BFSP2: variants seen among roughly 807,000 people sequenced by gnomAD.
The protein encoded by BFSP2 is beaded filament structural protein 2, also known as phakinin.
In BFSP2, 38 loss-of-function variants were observed where a neutral mutation model predicts 44.9. The ratio of observed to expected loss-of-function variants is 0.85; its 90% CI spans 0.65 to 1.11. The LOEUF is 1.11. BFSP2 is among the 50% of genes least tolerant of loss of function. The pLI, the probability that BFSP2 is intolerant of heterozygous loss-of-function variation, is 0.00. For synonymous variants in BFSP2, 197 were observed against 209.9 expected, an observed-to-expected ratio of 0.94 and a Z score of 0.53; for missense variants, 525 against 533.0, an observed-to-expected ratio of 0.99 and a Z score of 0.15.
At chr3:133,438,302 G>A (rs962688692) in intron 1 of BFSP2, among the ~76,000 whole-genome samples, 5 of 152,198 alleles carry the variant, frequency 3.3e-5, no homozygotes, top group Admixed American at 1.3e-4. Context: ...CAAGGCAGGC[G>A]GATCACCTGA....
chr3:133,468,288 G>T (rs1180058901), intron 5 of BFSP2, among the ~76,000 whole-genome samples: 1 of 152,108 alleles, frequency 6.6e-6, no homozygotes, highest in Non-Finnish European at 1.5e-5. Flanking sequence ...CGTGGTGGGT[G>T]CTCTCCTCAC....
At chr3:133,421,412 G>A (rs1384908367) in intron 1 of BFSP2, among the ~76,000 whole-genome samples, 1 of 152,238 alleles carries the variant, frequency 6.6e-6, no homozygotes, top group Non-Finnish European at 1.5e-5. Flanking sequence ...CAGCTCTGGT[G>A]ATGGCGGGCA....
At chr3:133,426,597 G>T (rs1179428583) in intron 1 of BFSP2, among the ~76,000 whole-genome samples, 1 of 152,224 alleles carries the variant, frequency 6.6e-6, no homozygotes, top group Non-Finnish European at 1.5e-5. Context: ...AAAGCAAAGG[G>T]TCCACTCTGG....
intron 1 of BFSP2, among the ~76,000 whole-genome samples, chr3:133,406,964 A>G (rs534229140): frequency 2.0e-5 from 3 of 152,214 alleles, no homozygotes; most frequent in Non-Finnish European, 4.4e-5. Flanking sequence ...ATCCAAGTAC[A>G]TTGTGAGGCC....
intron 1 of BFSP2, among the ~76,000 whole-genome samples, chr3:133,430,772 A>C (rs1224064893): frequency 1.3e-5 from 2 of 151,618 alleles, no homozygotes; most frequent in Admixed American, 6.6e-5. Flanking sequence ...AGTCTTTCTA[A>C]TCTTCCTTTT....
intron 1 of BFSP2, among the ~76,000 whole-genome samples, chr3:133,445,765 T>C (rs1185964652): frequency 1.3e-5 from 2 of 152,174 alleles, no homozygotes; most frequent in Non-Finnish European, 2.9e-5. Flanking sequence ...GTGTAGGTTA[T>C]ATGCAAATAC....
chr3:133,458,914 A>G (rs544467600), intron 4 of BFSP2, among the ~76,000 whole-genome samples: 4 of 152,222 alleles, frequency 2.6e-5, no homozygotes, highest in Non-Finnish European at 5.9e-5. Context: ...AGGACAAACC[A>G]GGTGCAAGGC....
rs751496741 is a variant in BFSP2, at chr3:133,466,910, C to T, written c.974C>T (p.Ser325Leu). The T allele has an allele frequency of 1.7e-5, 28 of 1,613,948 alleles. No individual in the cohort carries two copies. The highest frequency in any genetic ancestry group is 1.6e-4 in the South Asian group (15 of 91,082). ...AALRVELHNT[S>L]CQVQSLQAET... is the part of the protein sequence containing the mutation. ...CTCAGGGTGGAGTTACACAACACTT[C>T]GTGCCAAGTCCAGAGCCTCCAGGCT... The change falls in exon 5 of 7, where the codon TCG becomes TTG. Residue 325 changes from serine to leucine, a missense_variant. Transcript: ENST00000302334.
At chr3:133,424,212 A>ATTTTTTTTTTT (rs112772093) in intron 1 of BFSP2, among the ~76,000 whole-genome samples, 1 of 64,778 alleles carries the variant, frequency 1.5e-5, no homozygotes, top group African/African-American at 3.6e-5. Flanking sequence ...CGTCCAGCTA[A>ATTTTTTTTTTT]TTTTTTTTTT....
chr3:133,409,652 A>C (rs561542917), intron 1 of BFSP2, among the ~76,000 whole-genome samples: 1 of 152,344 alleles, frequency 6.6e-6, no homozygotes, highest in South Asian at 2.1e-4. Context: ...CAAGGACGCT[A>C]TGAAAAACTA....
At chr3:133,407,392 G>C (rs2073413618) in intron 1 of BFSP2, among the ~76,000 whole-genome samples, 1 of 152,108 alleles carries the variant, frequency 6.6e-6, no homozygotes, top group Admixed American at 6.5e-5. Context: ...CAAATGGAAA[G>C]AAACACCATG....
Position 133,475,051 on chromosome 3 carries a change from C to T in BFSP2, c.*79C>T, listed in dbSNP as rs911176488. 1 of 1,566,066 alleles carries T rather than the reference C, an allele frequency of 6.4e-7. No individual in the cohort carries two copies. The highest frequency in any genetic ancestry group is 8.8e-7 in the Non-Finnish European group (1 of 1,136,346). ...CAAGAAGTTGCTTGAGGAGCTTTCT[C>T]CTGAGCTCCAGTCCCTGCTGGATTC... is the stretch of plus-strand genomic sequence containing the variant. On this transcript the variant is annotated 3_prime_UTR_variant, in exon 7 of 7. Transcript: ENST00000302334.
At chr3:133,408,716 A>G (rs1277197851) in intron 1 of BFSP2, among the ~76,000 whole-genome samples, 2 of 152,250 alleles carry the variant, frequency 1.3e-5, no homozygotes, top group African/African-American at 4.8e-5. Context: ...TCTCCAGGAT[A>G]TGTTATTGAG....
rs1219245731 is a variant in BFSP2, at chr3:133,411,200, CTAAT to C, written c.489+10633_489+10636del. On this transcript the variant is annotated intron_variant, in intron 1 of 6. Coordinates refer to ENST00000302334, the MANE Select transcript of BFSP2 (RefSeq NM_003571.4). ...ACACCGAAAAAAAAAAAAAAAAAAA[CTAAT>C]TAATCACCTTTGGAGCCCACTGAGG... Among the ~76,000 whole-genome samples, 11 of 101,464 alleles carry C rather than the reference CTAAT, an allele frequency of 1.1e-4. 1 individual carries two copies. Among genetic ancestry groups the C allele is most frequent in the Admixed American group, 9.6e-4 (10 of 10,386 alleles). 66.6% of individuals were successfully genotyped at this position (101,464 alleles called of 152,430 possible).
intron 3 of BFSP2, 136 bp downstream of exon 3, chr3:133,448,781 C>T (rs1040451853): frequency 2.5e-5 from 29 of 1,152,800 alleles, no homozygotes; most frequent in Non-Finnish European, 3.4e-5. Flanking sequence ...GGGAACATAC[C>T]TGTAAAATAC....
intron 1 of BFSP2, among the ~76,000 whole-genome samples, chr3:133,443,540 C>G (rs973444277): frequency 4.6e-5 from 7 of 152,184 alleles, no homozygotes; most frequent in African/African-American, 1.7e-4. Context: ...ACAAATGCAA[C>G]CAGCAGGTCA....
At chr3:133,432,675 C>G (rs1251846855) in intron 1 of BFSP2, among the ~76,000 whole-genome samples, 1 of 152,188 alleles carries the variant, frequency 6.6e-6, no homozygotes. Context: ...GAGTATCCCC[C>G]TCCAAAGCTC....
intron 1 of BFSP2, chr3:133,429,778 A>C (rs932531674): frequency 6.6e-6 from 1 of 150,898 alleles, no homozygotes. Flanking sequence ...ATTATACTTT[A>C]AGTTTTAGGG....
intron 4 of BFSP2, among the ~76,000 whole-genome samples, chr3:133,456,032 A>G (rs1350256369): frequency 6.6e-6 from 1 of 152,206 alleles, no homozygotes; most frequent in African/African-American, 2.4e-5. Context: ...TGGTTGATGT[A>G]TACAATACCC....
Sources: gnomAD v4.1 joint callset for allele counts (sites outside exome capture counted in the v4.1 genomes callset) on GRCh38, gnomAD v4.1.1 for gene constraint, MANE v1.5 for transcripts, NCBI Gene and HGNC (gene_info 2026-07-23, HGNC 2026-07-21) for gene names.